The following EDN1 variants were observed in gnomAD, a reference collection of about 807,000 sequenced individuals.
EDN1 encodes endothelin-1.
Under a neutral mutation model 21.7 loss-of-function variants are expected in EDN1, and 11 were observed. The ratio of observed to expected loss-of-function variants is 0.51; its 90% CI spans 0.32 to 0.84. The LOEUF (loss-of-function observed/expected upper bound fraction) is 0.84. EDN1 is among the 40% of genes least tolerant of loss of function. The probability of loss-of-function intolerance (pLI) is 0.03; values close to 1 mark genes in which losing one functional copy is unlikely to be tolerated. For synonymous variants in EDN1, 85 were observed against 90.6 expected (o/e 0.94, Z 0.35); for missense variants, 244 against 262.3 (o/e 0.93, Z 0.48).
the EDN1 span, among the ~76,000 whole-genome samples, chr6:12,243,287 A>AGAGGAGGAGGAGGAGGATAG: frequency 7.9e-6 from 1 of 125,994 alleles, no homozygotes; most frequent in East Asian, 2.9e-4. Flanking sequence ...CATTGAGTAA[A>AGAGGAGGAGGAGGAGGATAG]GAGGAGGAGG....
At chr6:12,284,585 G>GGAAA in the EDN1 span, among the ~76,000 whole-genome samples, 9 of 125,002 alleles carry the variant, frequency 7.2e-5, no homozygotes, top group African/African-American at 1.7e-4. Flanking sequence ...CAAGCAAGCA[G>GGAAA]GAAAGAAAGA....
At chr6:12,240,935 G>C in the EDN1 span, among the ~76,000 whole-genome samples, 1 of 152,086 alleles carries the variant, frequency 6.6e-6, no homozygotes, top group Non-Finnish European at 1.5e-5. Context: ...TGTGCTGAGG[G>C]AGATGGAACA....
chr6:12,287,712 T>TCACACACACACA (rs66467626), upstream of EDN1, among the ~76,000 whole-genome samples: 98 of 103,070 alleles, frequency 9.5e-4, 2 homozygotes, highest in Admixed American at 1.6e-3. Flanking sequence ...TCTCTCTCTC[T>TCACACACACACA]CACACACACA....
At chr6:12,273,271 T>A in the EDN1 span, among the ~76,000 whole-genome samples, 1 of 152,054 alleles carries the variant, frequency 6.6e-6, no homozygotes, top group East Asian at 1.9e-4. Context: ...CCGTGGAAAG[T>A]TTGTGAGATG....
chr6:12,284,748 G>GAAGA, the EDN1 span, among the ~76,000 whole-genome samples: 4,859 of 78,064 alleles, frequency 0.062, 191 homozygotes, highest in African/African-American at 0.09. Context: ...AGGAAGGAAG[G>GAAGA]AAGAAAGAAA....
chr6:12,266,067 G>A, the EDN1 span, among the ~76,000 whole-genome samples: 1 of 152,168 alleles, frequency 6.6e-6, no homozygotes, highest in East Asian at 1.9e-4. Flanking sequence ...TCAGAGATAA[G>A]CCAGTGTGGG....
At chr6:12,236,293 T>C in the EDN1 span, among the ~76,000 whole-genome samples, 1 of 152,212 alleles carries the variant, frequency 6.6e-6, no homozygotes, top group South Asian at 2.1e-4. Context: ...AACAATTTTT[T>C]TTTTTTTAGA....
At chr6:12,254,417 T>C in the EDN1 span, among the ~76,000 whole-genome samples, 837 of 152,296 alleles carry the variant, frequency 5.5e-3, 3 homozygotes, top group South Asian at 9.3e-3. Context: ...AGTGTTCCAA[T>C]AGAACCTTGA....
the EDN1 span, among the ~76,000 whole-genome samples, chr6:12,272,606 C>T: frequency 2.6e-4 from 39 of 150,016 alleles, no homozygotes; most frequent in African/African-American, 3.4e-4. Context: ...TGCAGGCATG[C>T]GCCACTATGC....
chr6:12,271,494 T>C, the EDN1 span, among the ~76,000 whole-genome samples: 1 of 152,214 alleles, frequency 6.6e-6, no homozygotes, highest in Non-Finnish European at 1.5e-5. Flanking sequence ...TTAATTTTGC[T>C]GCTTAATTTA....
At chr6:12,272,674 C>T in the EDN1 span, among the ~76,000 whole-genome samples, 1 of 150,344 alleles carries the variant, frequency 6.7e-6, no homozygotes, top group African/African-American at 2.5e-5. Flanking sequence ...ACCATGTTGG[C>T]CAAGCTGGCC....
Position 12,290,546 on chromosome 6 carries a change from C to A in EDN1, c.-84C>A, listed in dbSNP as rs1342682677. 3.5e-6 allele frequency: 4 copies of A among 1,136,828 alleles called. No individual in the cohort carries two copies. Among genetic ancestry groups the A allele is most frequent in the Non-Finnish European group, 5.3e-6 (4 of 751,594 alleles). 70.4% of individuals were successfully genotyped at this position (1,136,828 alleles called of 1,614,324 possible). A position where few individuals can be genotyped will look rare whatever the true frequency, so the allele number is the denominator to read the frequency against. On this transcript the variant is annotated 5_prime_UTR_variant, in exon 1 of 5. Transcript: ENST00000379375. ...GCTTTGAGATCTGAGGAACCCGCAG[C>A]GCTTTGAGGGACCTGAAGCTGTTTT...
the EDN1 span, among the ~76,000 whole-genome samples, chr6:12,280,490 AAC>A: frequency 1.3e-5 from 2 of 152,376 alleles, no homozygotes; most frequent in East Asian, 1.9e-4. Flanking sequence ...TTAGAAAATC[AAC>A]AGTCTTCCCT....
At chr6:12,242,057 G>T in the EDN1 span, among the ~76,000 whole-genome samples, 2 of 152,222 alleles carry the variant, frequency 1.3e-5, no homozygotes, top group Non-Finnish European at 2.9e-5. Flanking sequence ...AAGAGATTCA[G>T]CTTTGAAAGA....
intron 1 of EDN1, among the ~76,000 whole-genome samples, chr6:12,291,452 G>C (rs1561693106): frequency 6.6e-6 from 1 of 152,150 alleles, no homozygotes; most frequent in Non-Finnish European, 1.5e-5. Context: ...CCCGTTTTTA[G>C]GGTCAGTGCA....
the EDN1 span, among the ~76,000 whole-genome samples, chr6:12,282,827 C>G: frequency 6.6e-6 from 1 of 152,190 alleles, no homozygotes. Flanking sequence ...CATTACTCTT[C>G]ATTCTTTGCT....
chr6:12,257,624 T>C, the EDN1 span, among the ~76,000 whole-genome samples: 10 of 152,292 alleles, frequency 6.6e-5, no homozygotes, highest in African/African-American at 2.4e-4. Flanking sequence ...ATATACACTA[T>C]TTTAATCATA....
At chr6:12,243,439 T>C in the EDN1 span, among the ~76,000 whole-genome samples, 3 of 152,030 alleles carry the variant, frequency 2.0e-5, no homozygotes. Flanking sequence ...CTATTATTAA[T>C]GAAAATCCTT....
At chr6:12,236,494 A>G in the EDN1 span, among the ~76,000 whole-genome samples, 52 of 152,144 alleles carry the variant, frequency 3.4e-4, no homozygotes, top group Non-Finnish European at 6.2e-4. Context: ...TCCTGACCTC[A>G]GGTGATCCAC....
Sources: allele counts gnomAD v4.1 joint callset (sites outside exome capture counted in the v4.1 genomes callset), GRCh38; gene constraint gnomAD v4.1.1; transcripts MANE v1.5; gene names NCBI Gene and HGNC (gene_info 2026-07-23, HGNC 2026-07-21).